Variants in DAB1 observed in about 807,000 individuals in gnomAD.
The protein encoded by DAB1 is DAB adaptor protein 1, also known as disabled homolog 1.
A neutral mutation model predicts 64.6 loss-of-function variants in DAB1; 15 were observed. The ratio of observed to expected loss-of-function variants is 0.23; its 90% CI spans 0.16 to 0.36. DAB1 has a LOEUF of 0.36. DAB1 is among the 10% of genes least tolerant of loss of function. The pLI is 1.00. For synonymous variants in DAB1, 235 were observed against 251.9 expected (o/e 0.93, Z 0.64); for missense variants, 596 against 706.7 (o/e 0.84, Z 1.78).
At chr1:57,773,269 A>G (rs925740337) in intron 6 of DAB1, among the ~76,000 whole-genome samples, 4 of 151,830 alleles carry the variant, frequency 2.6e-5, no homozygotes, top group African/African-American at 4.8e-5. Context: ...GTATATATAT[A>G]TGTGTTTGAA....
intron 3 of DAB1, chr1:58,481,094 C>T: frequency 1.1e-6 from 1 of 871,914 alleles, no homozygotes. Context: ...CAAGAAAATG[C>T]TTCGTGCTGA....
At chr1:57,565,688 A>G (rs1239497407) in intron 7 of DAB1, among the ~76,000 whole-genome samples, 2 of 152,238 alleles carry the variant, frequency 1.3e-5, no homozygotes, top group African/African-American at 2.4e-5. Flanking sequence ...AGGCCATTAC[A>G]TAATGGTAAA....
chr1:58,474,850 C>T (rs1164802946), intron 3 of DAB1, among the ~76,000 whole-genome samples: 1 of 152,166 alleles, frequency 6.6e-6, no homozygotes, highest in Non-Finnish European at 1.5e-5. Context: ...TACTGTGTGA[C>T]CTCGGTAAAG....
At chr1:58,174,620 G>C (rs1656361167) in intron 4 of DAB1, among the ~76,000 whole-genome samples, 1 of 152,200 alleles carries the variant, frequency 6.6e-6, no homozygotes, top group Non-Finnish European at 1.5e-5. Flanking sequence ...GAAGCCAGCT[G>C]GGCTTCTGGG....
At chr1:57,990,958 C>T (rs1238405956) in intron 5 of DAB1, among the ~76,000 whole-genome samples, 2 of 152,184 alleles carry the variant, frequency 1.3e-5, no homozygotes, top group East Asian at 1.9e-4. Context: ...ACAACTGCTA[C>T]TTGGGGTGGG....
chr1:57,695,428 GAAAGAAA>G, intron 6 of DAB1, among the ~76,000 whole-genome samples: 2 of 123,292 alleles, frequency 1.6e-5, no homozygotes, highest in African/African-American at 6.5e-5. Flanking sequence ...AAGAAAGAAA[GAAAGAAA>G]AAAGAAGAAA....
chr1:57,059,102 T>C (rs896092650), intron 9 of DAB1, among the ~76,000 whole-genome samples: 1 of 152,224 alleles, frequency 6.6e-6, no homozygotes, highest in African/African-American at 2.4e-5. Context: ...GAGTGTTTGC[T>C]AGAGCACTGC....
chr1:57,745,660 C>T (rs1557456794), intron 6 of DAB1, among the ~76,000 whole-genome samples: 1 of 152,094 alleles, frequency 6.6e-6, no homozygotes, highest in Non-Finnish European at 1.5e-5. Context: ...ACCAAAAATG[C>T]AATGAATTAT....
chr1:57,745,378 T>G (rs989944032), intron 6 of DAB1, among the ~76,000 whole-genome samples: 1 of 152,232 alleles, frequency 6.6e-6, no homozygotes, highest in African/African-American at 2.4e-5. Context: ...TTTCACTTAA[T>G]TTGCTTAATA....
intron 1 of DAB1, among the ~76,000 whole-genome samples, chr1:57,337,925 C>CT (rs1225659595): frequency 6.7e-6 from 1 of 148,158 alleles, no homozygotes; most frequent in Non-Finnish European, 1.5e-5. Flanking sequence ...TTGCTTCCTC[C>CT]TTTTTTCTCT....
intron 3 of DAB1, among the ~76,000 whole-genome samples, chr1:58,423,925 T>C (rs906458619): frequency 2.0e-5 from 3 of 152,214 alleles, no homozygotes; most frequent in African/African-American, 4.8e-5. Context: ...AGGCTCCTAA[T>C]AAATACCAGC....
chr1:57,423,027 C>T (rs1359140009), intron 1 of DAB1, among the ~76,000 whole-genome samples: 2 of 151,858 alleles, frequency 1.3e-5, no homozygotes, highest in African/African-American at 4.8e-5. Context: ...CCAGTGGCCC[C>T]TTTCAGACGC....
intron 5 of DAB1, among the ~76,000 whole-genome samples, chr1:57,943,903 A>G (rs776079120): frequency 2.0e-5 from 3 of 152,154 alleles, no homozygotes; most frequent in Non-Finnish European, 4.4e-5. Context: ...TGCGGAAAGA[A>G]TAAGGCCTTA....
intron 3 of DAB1, among the ~76,000 whole-genome samples, chr1:58,419,066 C>G (rs534666641): frequency 6.6e-6 from 1 of 152,184 alleles, no homozygotes; most frequent in Non-Finnish European, 1.5e-5. Context: ...AGGAGCCTAT[C>G]GGATCAGCCT....
intron 3 of DAB1, among the ~76,000 whole-genome samples, chr1:58,376,145 A>AT (rs1267181564): frequency 4.0e-5 from 6 of 151,568 alleles, no homozygotes; most frequent in Non-Finnish European, 7.4e-5. Context: ...GGGTTCATTG[A>AT]TTTTTTGAAG....
chr1:57,218,617 C>A (rs535282141), intron 2 of DAB1, among the ~76,000 whole-genome samples: 8 of 149,774 alleles, frequency 5.3e-5, no homozygotes, highest in African/African-American at 2.0e-4. Context: ...ATCGCTTGAG[C>A]GTGGGAGGTC....
chr1:58,342,776 T>C (rs1643954372), intron 4 of DAB1, among the ~76,000 whole-genome samples: 1 of 152,132 alleles, frequency 6.6e-6, no homozygotes, highest in African/African-American at 2.4e-5. Flanking sequence ...TCCTTTTTAA[T>C]CTCTCCAACT....
At chr1:57,688,863 T>C (rs1464191261) in intron 6 of DAB1, among the ~76,000 whole-genome samples, 1 of 151,986 alleles carries the variant, frequency 6.6e-6, no homozygotes, top group Non-Finnish European at 1.5e-5. Flanking sequence ...GAGCTAAACA[T>C]TGGGTAGTAG....
intron 1 of DAB1, among the ~76,000 whole-genome samples, chr1:57,338,074 T>C (rs1677246178): frequency 6.6e-6 from 1 of 152,042 alleles, no homozygotes; most frequent in Non-Finnish European, 1.5e-5. Context: ...AGCCTCAACT[T>C]CCCAGTTTCA....
Sources: allele counts gnomAD v4.1 joint callset (sites outside exome capture counted in the v4.1 genomes callset), GRCh38; gene constraint gnomAD v4.1.1; transcripts MANE v1.5; gene names NCBI Gene and HGNC (gene_info 2026-07-23, HGNC 2026-07-21).